The following DNAH11 variants were observed in gnomAD, a reference collection of about 807,000 sequenced individuals.
DNAH11 encodes axonemal beta dynein heavy chain 11.
A neutral mutation model predicts 526.0 loss-of-function variants in DNAH11; 442 were observed. The observed-to-expected ratio is 0.84, with a 90% CI of 0.78 to 0.91. The LOEUF (loss-of-function observed/expected upper bound fraction) is 0.91, where lower values mean the gene tolerates loss of function less well. DNAH11 is among the 40% of genes least tolerant of loss of function. DNAH11 has a pLI of 0.00. For synonymous variants in DNAH11, 2,461 were observed against 1,935.9 expected, an observed-to-expected ratio of 1.27 and a Z score of -7.12; for missense variants, 6,989 against 5,448.7, an observed-to-expected ratio of 1.28 and a Z score of -8.90.
intron 25 of DNAH11, among the ~76,000 whole-genome samples, chr7:21,626,061 G>A (rs1040911379): frequency 2.0e-4 from 30 of 152,114 alleles, no homozygotes; most frequent in African/African-American, 7.2e-4. Flanking sequence ...TTGTCTTTGT[G>A]CTAAAACTAC....
chr7:21,672,353 A>T (rs758794010), intron 30 of DNAH11, among the ~76,000 whole-genome samples: 4 of 152,198 alleles, frequency 2.6e-5, no homozygotes, highest in African/African-American at 7.2e-5. Flanking sequence ...TAACGTGATC[A>T]TAGCTCACTG....
chr7:21,545,197 A>G (rs769222873), intron 2 of DNAH11, 48 bp downstream of exon 2: 4 of 1,470,902 alleles, frequency 2.7e-6, no homozygotes, highest in Non-Finnish European at 3.6e-6. Flanking sequence ...TCTCCATGAC[A>G]TTTGAAATTA....
chr7:21,789,958 A>C (rs1320199790), intron 61 of DNAH11, among the ~76,000 whole-genome samples: 1 of 125,494 alleles, frequency 8.0e-6, no homozygotes, highest in African/African-American at 3.2e-5. Context: ...GTGGATGTGC[A>C]GGCTTGTTAC....
At chr7:21,794,323 G>A (rs1278958507) in intron 61 of DNAH11, among the ~76,000 whole-genome samples, 1 of 152,056 alleles carries the variant, frequency 6.6e-6, no homozygotes, top group East Asian at 1.9e-4. Flanking sequence ...ATACTTCTAT[G>A]GCTTTACATT....
At chr7:21,860,041 C>T (rs542962927) in intron 68 of DNAH11, among the ~76,000 whole-genome samples, 9 of 152,234 alleles carry the variant, frequency 5.9e-5, no homozygotes, top group Admixed American at 5.9e-4. Context: ...AGTGTGATGA[C>T]ACATGCCTGT....
intron 61 of DNAH11, among the ~76,000 whole-genome samples, chr7:21,799,693 G>T (rs116198191): frequency 0.021 from 3,224 of 152,064 alleles, 117 homozygotes; most frequent in African/African-American, 0.073. Context: ...TTCTCATAAA[G>T]TTAATGCTAT....
intron 65 of DNAH11, among the ~76,000 whole-genome samples, chr7:21,830,514 A>G (rs924048678): frequency 6.6e-6 from 1 of 152,202 alleles, no homozygotes; most frequent in Non-Finnish European, 1.5e-5. Flanking sequence ...AAAGTCAGGC[A>G]GGTTGACAGA....
Position 21,635,987 on chromosome 7 carries a change from C to T in DNAH11, c.4617C>T (p.Val1539=), listed in dbSNP as rs1786845757. The part of the protein sequence containing the change: ...ADLVIFTWME[V]QRTWSHLESI... The stretch of plus-strand genomic sequence containing the variant: ...TGGTCATCTTCACTTGGATGGAAGT[C>T]CAGCGAACTTGGTCTCACCTGGAAA... Residue 1539 remains valine, a synonymous_variant, in exon 26 of 82, where the codon GTC becomes GTT. Transcript: ENST00000409508. 1 of 1,613,496 alleles carries T rather than the reference C, an allele frequency of 6.2e-7. No individual in the cohort carries two copies. Among genetic ancestry groups the T allele is most frequent in the Non-Finnish European group, 8.5e-7 (1 of 1,179,766 alleles).
chr7:21,620,721 C>G (rs1254770339), intron 25 of DNAH11, among the ~76,000 whole-genome samples: 3 of 114,776 alleles, frequency 2.6e-5, no homozygotes, highest in Non-Finnish European at 5.2e-5. Flanking sequence ...CCCCTCCCCC[C>G]ACCCCACAAC....
intron 65 of DNAH11, among the ~76,000 whole-genome samples, chr7:21,827,265 A>G (rs576506222): frequency 1.3e-5 from 2 of 152,350 alleles, no homozygotes; most frequent in African/African-American, 4.8e-5. Context: ...AACATATTTT[A>G]TATCAATCGA....
intron 37 of DNAH11, 42 bp from the exon 38 acceptor site, chr7:21,704,392 A>G: frequency 6.4e-7 from 1 of 1,557,672 alleles, no homozygotes; most frequent in Non-Finnish European, 8.7e-7. Context: ...GGTGTTTGTT[A>G]GACCTTGTAT....
chr7:21,735,897 G>A (rs1583642988), intron 46 of DNAH11, 53 bp downstream of exon 46: 9 of 1,506,726 alleles, frequency 6.0e-6, no homozygotes, highest in African/African-American at 5.5e-5. Context: ...TCATCAAGGC[G>A]GGCACATGCA....
intron 28 of DNAH11, 113 bp from the exon 29 acceptor site, chr7:21,655,719 G>T: frequency 9.3e-7 from 1 of 1,072,458 alleles, no homozygotes; most frequent in South Asian, 2.1e-5. Context: ...AAAACATTTT[G>T]AGACAACTCT....
At chr7:21,734,005 CAA>C (rs1343528970) in intron 45 of DNAH11, among the ~76,000 whole-genome samples, 1 of 152,118 alleles carries the variant, frequency 6.6e-6, no homozygotes, top group Non-Finnish European at 1.5e-5. Context: ...AGCAAACTAA[CAA>C]GAGTTCGTCA....
intron 34 of DNAH11, among the ~76,000 whole-genome samples, chr7:21,688,987 A>C (rs1323411373): frequency 6.6e-6 from 1 of 152,168 alleles, no homozygotes; most frequent in Non-Finnish European, 1.5e-5. Flanking sequence ...TGTCCCAAGG[A>C]TTATCTAGCC....
chr7:21,710,823 A>G, intron 41 of DNAH11, 120 bp downstream of exon 41: 6 of 992,296 alleles, frequency 6.0e-6, no homozygotes, highest in Non-Finnish European at 7.0e-6. Flanking sequence ...TTATGTAATT[A>G]TTATTTTGAT....
At chr7:21,751,362 T>A (rs1583658385) in intron 54 of DNAH11, among the ~76,000 whole-genome samples, 1 of 152,182 alleles carries the variant, frequency 6.6e-6, no homozygotes, top group South Asian at 2.1e-4. Flanking sequence ...TTCTGAAGGA[T>A]TACCCCAGTG....
chr7:21,587,856 G>A (rs1784529242), intron 9 of DNAH11, among the ~76,000 whole-genome samples: 1 of 152,094 alleles, frequency 6.6e-6, no homozygotes, highest in African/African-American at 2.4e-5. Context: ...GCTGAGAAAG[G>A]GAAATTATTT....
chr7:21,586,697 A>G (rs1395592014), intron 9 of DNAH11, among the ~76,000 whole-genome samples: 1 of 152,188 alleles, frequency 6.6e-6, no homozygotes, highest in Non-Finnish European at 1.5e-5. Flanking sequence ...CCTTTGCCAT[A>G]TTGCTAAACA....
Sources: gnomAD v4.1 joint callset for allele counts (sites outside exome capture counted in the v4.1 genomes callset) on GRCh38, gnomAD v4.1.1 for gene constraint, MANE v1.5 for transcripts, NCBI Gene and HGNC (gene_info 2026-07-23, HGNC 2026-07-21) for gene names.